GNA12: variants seen among roughly 807,000 people sequenced by gnomAD.
GNA12 encodes the protein guanine nucleotide-binding protein subunit alpha-12.
A neutral mutation model predicts 26.0 loss-of-function variants in GNA12; 9 were observed. The ratio of observed to expected loss-of-function variants is 0.35; its 90% CI spans 0.21 to 0.60. The LOEUF is 0.60. GNA12 is among the 20% of genes least tolerant of loss of function. The pLI is 0.78. For missense variants in GNA12, 405 were observed against 525.8 expected (o/e 0.77, Z 2.25); for synonymous variants, 264 against 219.6 (o/e 1.20, Z -1.79).
intron 2 of GNA12, among the ~76,000 whole-genome samples, chr7:2,745,678 T>C (rs537249925): frequency 0.011 from 1,677 of 152,232 alleles, 34 homozygotes; most frequent in African/African-American, 0.038. Flanking sequence ...AATATTAACT[T>C]TGAATGTAAA....
At chr7:2,784,329 A>C (rs1792307176) in intron 2 of GNA12, among the ~76,000 whole-genome samples, 1 of 152,168 alleles carries the variant, frequency 6.6e-6, no homozygotes, top group African/African-American at 2.4e-5. Context: ...CCCGTTGCCC[A>C]GGCTGGTCTT....
chr7:2,733,494 G>GTC lies in GNA12; in HGVS notation c.532_533insGA (p.Ser178Ter), dbSNP rs1790005274. The GTC allele has an allele frequency of 6.2e-7, 1 of 1,613,086 alleles. No individual in the cohort carries two copies. Among genetic ancestry groups the GTC allele is most frequent in the Non-Finnish European group, 8.5e-7 (1 of 1,179,300 alleles). ...SRRSEFQLGE[S>*]VKYFLDNLDR... ...CAAGTTGTCCAGGAAGTACTTCACC[G>GTC]ACTCCCCCTGTCAGGAAGGAAGAAT... Residue 178 changes from serine (S) to a stop codon, truncating the protein, a stop_gained and frameshift_variant, in exon 3 of 4, where the codon TCG becomes TGACG. Coordinates refer to ENST00000275364, the MANE Select transcript of GNA12 (RefSeq NM_007353.3). LOFTEE classifies it high-confidence loss of function.
intron 2 of GNA12, among the ~76,000 whole-genome samples, chr7:2,756,634 T>C (rs74485260): frequency 0.026 from 3,621 of 138,542 alleles, 101 homozygotes; most frequent in Middle Eastern, 0.087. Flanking sequence ...AACAAAAACA[T>C]AGGAGAGGAT....
chr7:2,776,966 C>T (rs1283062859), intron 2 of GNA12, among the ~76,000 whole-genome samples: 1 of 151,934 alleles, frequency 6.6e-6, no homozygotes, highest in African/African-American at 2.4e-5. Context: ...TAAGAATAAA[C>T]CTTACACTGG....
chr7:2,822,472 G>C (rs2114964185), intron 1 of GNA12, among the ~76,000 whole-genome samples: 2 of 152,186 alleles, frequency 1.3e-5, no homozygotes, highest in Admixed American at 1.3e-4. Context: ...GGCCAAGCGT[G>C]GTGGCTCTCG....
At chr7:2,739,294 T>A (rs1251805888) in intron 2 of GNA12, among the ~76,000 whole-genome samples, 2 of 152,220 alleles carry the variant, frequency 1.3e-5, no homozygotes, top group Non-Finnish European at 2.9e-5. Context: ...CCCACTGCCC[T>A]GGCCCAGACC....
chr7:2,825,109 AC>A (rs1793454207), intron 1 of GNA12, among the ~76,000 whole-genome samples: 1 of 152,224 alleles, frequency 6.6e-6, no homozygotes, highest in Non-Finnish European at 1.5e-5. Flanking sequence ...ACAGGTTACA[AC>A]AATTTACATC....
At chr7:2,807,585 G>C (rs75224912) in intron 1 of GNA12, among the ~76,000 whole-genome samples, 1 of 136,348 alleles carries the variant, frequency 7.3e-6, no homozygotes, top group East Asian at 2.1e-4. Flanking sequence ...GTATAAGAGA[G>C]AAAAAAAAAA....
intron 2 of GNA12, among the ~76,000 whole-genome samples, chr7:2,774,084 C>T (rs1792015328): frequency 6.6e-6 from 1 of 152,044 alleles, no homozygotes; most frequent in Admixed American, 6.6e-5. Context: ...CTGGTGTTCA[C>T]GGTCAGAACT....
chr7:2,823,870 A>G (rs547931287), intron 1 of GNA12, among the ~76,000 whole-genome samples: 56 of 152,338 alleles, frequency 3.7e-4, no homozygotes, highest in Non-Finnish European at 7.5e-4. Context: ...TTTTCCCATG[A>G]AAATAATGCG....
intron 1 of GNA12, among the ~76,000 whole-genome samples, chr7:2,797,444 C>CT (rs199915733): frequency 0.013 from 1,806 of 143,872 alleles, 13 homozygotes; most frequent in Middle Eastern, 0.082. Flanking sequence ...TGCATCCGGC[C>CT]TTTTTTTTTT....
chr7:2,739,871 C>T lies in GNA12; in HGVS notation c.526-6370G>A, dbSNP rs377708256. ...ATTTTTAGTAGAGACGGGGGTTTCACCGTGTTGGCCAGGCTGGTCTCGAAC... is the reference window on the plus strand; with the variant it reads ...ATTTTTAGTAGAGACGGGGGTTTCATCGTGTTGGCCAGGCTGGTCTCGAAC... On this transcript the variant is annotated intron_variant, in intron 2 of 3. Transcript: ENST00000275364. Among the ~76,000 whole-genome samples, 47 of 152,256 alleles carry T rather than the reference C, an allele frequency of 3.1e-4. 1 individual carries two copies. The South Asian group carries it at 9.7e-3, about 32-fold the overall frequency.
intron 2 of GNA12, among the ~76,000 whole-genome samples, chr7:2,742,656 C>A (rs1790567946): frequency 6.6e-6 from 1 of 152,198 alleles, no homozygotes; most frequent in South Asian, 2.1e-4. Context: ...CCCTCCCTGT[C>A]CCCGCAAACA....
chr7:2,740,832 C>A (rs548467970), intron 2 of GNA12, among the ~76,000 whole-genome samples: 1 of 152,146 alleles, frequency 6.6e-6, no homozygotes, highest in African/African-American at 2.4e-5. Context: ...ATCACGAGGT[C>A]GAGAGATCTA....
In GNA12 at chr7:2,806,457, CAA is replaced by C. The variant is rs34036056; in HGVS notation, c.310-11316_310-11315del. ...TGGGGGATAGAGCGAGACTCTGTCT[CAA>C]AAAAAAAAAAAAAAAAAAAGAAAAA... is the stretch of plus-strand genomic sequence containing the variant. On this transcript the variant is annotated intron_variant, in intron 1 of 3. Transcript: ENST00000275364. Among the ~76,000 whole-genome samples, 750 of 80,686 alleles carry C rather than the reference CAA, an allele frequency of 9.3e-3. 2 individuals are homozygous for C. The highest frequency in any genetic ancestry group is 0.027 in the African/African-American group (539 of 20,118). 52.9% of individuals were successfully genotyped at this position (80,686 alleles called of 152,430 possible).
At chr7:2,798,611 A>G (rs1223051337) in intron 1 of GNA12, among the ~76,000 whole-genome samples, 2 of 152,254 alleles carry the variant, frequency 1.3e-5, no homozygotes. Flanking sequence ...GTTTAGCACA[A>G]TTTCCATAAA....
chr7:2,817,834 A>G (rs1463267475), intron 1 of GNA12, among the ~76,000 whole-genome samples: 2 of 152,230 alleles, frequency 1.3e-5, no homozygotes, highest in African/African-American at 2.4e-5. Flanking sequence ...TTAATTGTGA[A>G]TAAGGAATTC....
At chr7:2,843,794 G>A (rs1302695379) in intron 1 of GNA12, 59 bp downstream of exon 1, 2 of 960,958 alleles carry the variant, frequency 2.1e-6, no homozygotes, top group East Asian at 6.7e-5. Flanking sequence ...GGGGCCCGGG[G>A]CGGGGGTTAG....
intron 1 of GNA12, among the ~76,000 whole-genome samples, chr7:2,822,110 A>T (rs1793382589): frequency 6.6e-6 from 1 of 151,612 alleles, no homozygotes. Context: ...AAACCTAGCT[A>T]AAAAACGTTA....
Sources: gnomAD v4.1 joint callset for allele counts (sites outside exome capture counted in the v4.1 genomes callset) on GRCh38, gnomAD v4.1.1 for gene constraint, MANE v1.5 for transcripts, NCBI Gene and HGNC (gene_info 2026-07-23, HGNC 2026-07-21) for gene names.